The following MANF variants were observed in gnomAD, a reference collection of about 807,000 sequenced individuals.
MANF encodes mesencephalic astrocyte-derived neurotrophic factor.
MANF carries 9 observed loss-of-function variants against 19.1 expected under a neutral mutation model. The ratio of observed to expected loss-of-function variants is 0.47; its 90% confidence interval spans 0.28 to 0.82. MANF has a LOEUF of 0.82. Ranked by LOEUF, MANF falls within the 40% of genes least tolerant of loss-of-function variation. The pLI, the probability that MANF is intolerant of heterozygous loss-of-function variation, is 0.10. For synonymous variants in MANF, 89 were observed against 88.0 expected, an observed-to-expected ratio of 1.01 and a Z score of -0.06; for missense variants, 225 against 226.7, an observed-to-expected ratio of 0.99 and a Z score of 0.05.
At position 51,386,277 on chromosome 3, in the gene MANF, C is replaced by G. The variant is rs1577016242; in HGVS notation, c.164C>G (p.Thr55Ser). Residue 55 changes from threonine to serine, a missense_variant, in exon 2 of 4, where the codon ACT becomes AGT. Coordinates refer to ENST00000528157, the MANE Select transcript of MANF (RefSeq NM_006010.6). ...KDRDVTFSPA[T>S]IENELIKFCR... ...AGAGATGTCACATTCTCACCAGCCACTATTGAAAACGAACTTATAAAGTTC... is the reference window on the plus strand; with the variant it reads ...AGAGATGTCACATTCTCACCAGCCAGTATTGAAAACGAACTTATAAAGTTC... 2 of 1,613,894 alleles carry G rather than the reference C, an allele frequency of 1.2e-6. No homozygotes were observed. Among genetic ancestry groups the G allele is most frequent in the Non-Finnish European group, 1.7e-6 (2 of 1,179,826 alleles).
chr3:51,385,972 TTATA>T, intron 1 of MANF: 1 of 531,486 alleles, frequency 1.9e-6, no homozygotes, highest in African/African-American at 1.9e-5. Context: ...GAGAAGTCGT[TTATA>T]GGTCATTGGG....
intron 1 of MANF, chr3:51,385,998 C>T: frequency 1.7e-6 from 1 of 576,338 alleles, no homozygotes; most frequent in Non-Finnish European, 3.1e-6. Flanking sequence ...GATGCTTGGT[C>T]CTTTGATGCC....
At chr3:51,385,876 C>G in intron 1 of MANF, 1 of 272,860 alleles carries the variant, frequency 3.7e-6, no homozygotes, top group South Asian at 1.1e-4. Context: ...TCTTCACCTT[C>G]CAGTCTCTCC....
At chr3:51,387,653 G>GA in intron 2 of MANF, 84 bp from the exon 3 acceptor site, 1 of 1,339,208 alleles carries the variant, frequency 7.5e-7, no homozygotes, top group Admixed American at 2.0e-5. Context: ...GCCCTACAGA[G>GA]AGATGATGTT....
At position 51,388,909 on chromosome 3, in the gene MANF, G is replaced by T; in HGVS notation, c.369G>T (p.Lys123Asn). ...DSQICELKYD[K>N]QIDLSTVDLK... ...TCTCCCTGCTCTCTCCTCCAGACAAGCAGATCGACCTGAGCACAGTGGACC... is the reference window on the plus strand; with the variant it reads ...TCTCCCTGCTCTCTCCTCCAGACAATCAGATCGACCTGAGCACAGTGGACC... The change falls in exon 4 of 4, where the codon AAG (lysine) becomes AAT (asparagine). Residue 123 changes from lysine to asparagine, a missense_variant. Physicochemically the swap from Lys to Asn is moderately conservative, Grantham distance 94. Coordinates refer to ENST00000528157, the MANE Select transcript of MANF (RefSeq NM_006010.6). The T allele has an allele frequency of 6.4e-7, 1 of 1,566,594 alleles. No individual in the cohort carries two copies. The highest frequency in any genetic ancestry group is 1.9e-5 in the Admixed American group (1 of 52,708).
chr3:51,385,910 C>A (rs368393964), intron 1 of MANF: 1 of 362,600 alleles, frequency 2.8e-6, no homozygotes, highest in Admixed American at 4.3e-5. Context: ...CAGTGAGTCC[C>A]GTCTCAAGGA....
intron 1 of MANF, 24 bp downstream of exon 1, chr3:51,385,460 C>T: frequency 1.7e-6 from 2 of 1,184,282 alleles, no homozygotes; most frequent in Non-Finnish European, 1.0e-6. Context: ...GGCCGGGGGC[C>T]GCGCTCCGTG....
chr3:51,386,844 A>G (rs1338867857), intron 2 of MANF: 1 of 456,740 alleles, frequency 2.2e-6, no homozygotes, highest in Non-Finnish European at 4.4e-6. Context: ...CAAAAGCCCT[A>G]GTGAAGCAAT....
chr3:51,388,030 G>A (rs1338967546), intron 3 of MANF, among the ~76,000 whole-genome samples, 152 bp downstream of exon 3: 1 of 152,198 alleles, frequency 6.6e-6, no homozygotes, highest in Non-Finnish European at 1.5e-5. Context: ...ATGGAAGTGG[G>A]TGGAGGTCAG....
chr3:51,389,144 C>T lies in MANF; in HGVS notation c.*55C>T. On this transcript the variant is annotated 3_prime_UTR_variant, in exon 4 of 4. Coordinates refer to ENST00000528157, the MANE Select transcript of MANF (RefSeq NM_006010.6). ...GAAAAAACAGTTCAACTGCTTACTC[C>T]CAAAACAGCCTTTTTGTAATTTATT... The T allele has an allele frequency of 6.7e-7, 1 of 1,485,506 alleles. No homozygotes were observed. Among genetic ancestry groups the T allele is most frequent in the Non-Finnish European group, 9.2e-7 (1 of 1,090,214 alleles). 92.0% of individuals were successfully genotyped at this position (1,485,506 alleles called of 1,614,324 possible). A position where few individuals can be genotyped will look rare whatever the true frequency, so the allele number is the denominator to read the frequency against.
In MANF at chr3:51,385,337, AG is replaced by A; in HGVS notation, c.-4del. On this transcript the variant is annotated 5_prime_UTR_variant, in exon 1 of 4. Coordinates refer to ENST00000528157, the MANE Select transcript of MANF (RefSeq NM_006010.6). The stretch of plus-strand genomic sequence containing the variant: ...GAGGAGGAGGAGGAGGAGGAGGATG[AG>A]GAGGATGAGGAGGATGTGGGCCACG... 1.6e-6 allele frequency: 2 copies of A among 1,231,584 alleles called. No homozygotes were observed. The highest frequency in any genetic ancestry group is 1.0e-6 in the Non-Finnish European group (1 of 983,298). The allele number at this position is 1,231,584 out of a possible 1,614,324, so 76.3% of individuals were successfully genotyped here.
intron 1 of MANF, 148 bp downstream of exon 1, chr3:51,385,584 G>A: frequency 2.3e-6 from 1 of 428,210 alleles, no homozygotes. Context: ...GCCTGCATGA[G>A]GAGGCTCCGG....
At position 51,385,431 on chromosome 3, in the gene MANF, G is replaced by A; in HGVS notation, c.89G>A (p.Cys30Tyr). The change falls in exon 1 of 4, where the codon TGC becomes TAC. Residue 30 changes from cysteine to tyrosine, a missense_variant. Transcript: ENST00000528157. ...PGSRALRPGD[C>Y]EVCISYLGRF... ...AGCCGGGCGCTGCGGCCGGGCGACT[G>A]CGAAGGTGCGGGATAGGGGGCCGGG... 8.1e-7 allele frequency: 1 copy of A among 1,235,296 alleles called. No individual in the cohort carries two copies. Among genetic ancestry groups the A allele is most frequent in the Non-Finnish European group, 1.0e-6 (1 of 988,940 alleles). The allele number at this position is 1,235,296 out of a possible 1,614,324, so 76.5% of individuals were successfully genotyped here. A position where few individuals can be genotyped will look rare whatever the true frequency, so the allele number is the denominator to read the frequency against.
chr3:51,386,451 C>T (rs2088963240), intron 2 of MANF, 116 bp downstream of exon 2: 1 of 1,127,212 alleles, frequency 8.9e-7, no homozygotes, highest in Non-Finnish European at 1.3e-6. Context: ...GCTACTCTCT[C>T]CATAAACTAA....
intron 2 of MANF, among the ~76,000 whole-genome samples, chr3:51,386,618 T>C (rs2088964821): frequency 6.6e-6 from 1 of 152,194 alleles, no homozygotes; most frequent in South Asian, 2.1e-4. Flanking sequence ...ACACAAATAA[T>C]GCAATGTCTG....
At chr3:51,388,418 T>TCAGGGC (rs1363726107) in intron 3 of MANF, among the ~76,000 whole-genome samples, 5 of 152,204 alleles carry the variant, frequency 3.3e-5, no homozygotes, top group African/African-American at 1.2e-4. Flanking sequence ...TCAGAAACAG[T>TCAGGGC]CAGGGCCTCT....
At chr3:51,385,493 AC>A in intron 1 of MANF, 57 bp downstream of exon 1, 1 of 631,596 alleles carries the variant, frequency 1.6e-6, no homozygotes, top group African/African-American at 2.3e-5. Flanking sequence ...GCGGCGCTGA[AC>A]CCCACAACAT....
chr3:51,387,613 C>T (rs1199608062), intron 2 of MANF, 124 bp from the exon 3 acceptor site: 2 of 869,968 alleles, frequency 2.3e-6, no homozygotes, highest in African/African-American at 3.4e-5. Context: ...GCCTGGGTGA[C>T]AGGGAGCCCT....
intron 2 of MANF, 115 bp downstream of exon 2, chr3:51,386,450 T>C (rs2088963217): frequency 2.7e-6 from 3 of 1,131,106 alleles, no homozygotes; most frequent in Non-Finnish European, 3.8e-6. Flanking sequence ...AGCTACTCTC[T>C]CCATAAACTA....
Sources: allele counts gnomAD v4.1 joint callset (sites outside exome capture counted in the v4.1 genomes callset), GRCh38; gene constraint gnomAD v4.1.1; transcripts MANE v1.5; gene names NCBI Gene and HGNC (gene_info 2026-07-23, HGNC 2026-07-21).